FAN1: variants seen among roughly 807,000 people sequenced by gnomAD.
FAN1 encodes FANCD2 and FANCI associated nuclease 1, also known as fanconi-associated nuclease 1.
In FAN1, 91 loss-of-function variants were observed where a neutral mutation model predicts 104.9. The ratio of observed to expected loss-of-function variants is 0.87; its 90% CI spans 0.73 to 1.03. The LOEUF is 1.03. Among genes scored for constraint, FAN1 ranks in the 50% least tolerant of loss-of-function variants. The pLI, the probability that FAN1 is intolerant of heterozygous loss-of-function variation, is 0.00. For synonymous variants in FAN1, 478 were observed against 457.6 expected, an observed-to-expected ratio of 1.04 and a Z score of -0.57; for missense variants, 1,263 against 1,239.9, an observed-to-expected ratio of 1.02 and a Z score of -0.28.
intron 4 of FAN1, among the ~76,000 whole-genome samples, chr15:30,912,272 C>T (rs190331265): frequency 2.0e-5 from 3 of 152,200 alleles, no homozygotes; most frequent in Non-Finnish European, 4.4e-5. Flanking sequence ...AGTGGAATTT[C>T]AGAGTCCCTG....
intron 11 of FAN1, 47 bp downstream of exon 11, chr15:30,928,703 C>G: frequency 6.2e-7 from 1 of 1,611,258 alleles, no homozygotes; most frequent in Non-Finnish European, 8.5e-7. Flanking sequence ...TGCACACATC[C>G]GTGGCTCACG....
intron 5 of FAN1, among the ~76,000 whole-genome samples, chr15:30,915,877 C>T (rs1382651964): frequency 6.6e-6 from 1 of 151,910 alleles, no homozygotes; most frequent in Non-Finnish European, 1.5e-5. Context: ...TTTGGATTTC[C>T]TAAAATGTCA....
intron 2 of FAN1, among the ~76,000 whole-genome samples, chr15:30,906,199 A>G (rs2061975432): frequency 1.3e-5 from 2 of 152,234 alleles, no homozygotes; most frequent in African/African-American, 4.8e-5. Flanking sequence ...TTTCCAGATT[A>G]AAAAACAATA....
intron 7 of FAN1, 39 bp downstream of exon 7, chr15:30,920,692 T>G: frequency 2.4e-6 from 3 of 1,227,728 alleles, no homozygotes; most frequent in South Asian, 1.3e-5. Context: ...ATTACTGATG[T>G]GATGGCGTTA....
At position 30,938,009 on chromosome 15, in the gene FAN1, C is replaced by T. The variant is rs886236602; in HGVS notation, c.*3+750C>T. Among the ~76,000 whole-genome samples, 3 of 151,486 alleles carry T rather than the reference C, an allele frequency of 2.0e-5. No individual in the cohort carries two copies. In the South Asian group the frequency reaches 6.3e-4, roughly 32 times the overall value. On this transcript the variant is annotated intron_variant, in intron 14 of 14. Transcript: ENST00000362065. ...GACCATCCTGGCCAACATGGTGAAA[C>T]CCATCTCTACTAAAAATACAAAAAA... is the stretch of plus-strand genomic sequence containing the variant.
intron 7 of FAN1, among the ~76,000 whole-genome samples, chr15:30,920,915 C>G (rs2062315035): frequency 6.6e-6 from 1 of 152,208 alleles, no homozygotes; most frequent in Non-Finnish European, 1.5e-5. Context: ...TCCTGAGTAG[C>G]TGGGACTACA....
chr15:30,942,131 T>C lies in FAN1; in HGVS notation c.*569T>C. The C allele has an allele frequency of 5.2e-6, 8 of 1,528,876 alleles. No homozygotes were observed. Among genetic ancestry groups the C allele is most frequent in the Non-Finnish European group, 7.1e-6 (8 of 1,132,678 alleles). 94.7% of individuals were successfully genotyped at this position (1,528,876 alleles called of 1,614,324 possible). A position where few individuals can be genotyped will look rare whatever the true frequency, so the allele number is the denominator to read the frequency against. ...TTCCCTTTTTAGAAAGATTGAAGGA[T>C]GCAATGGCAAATATAAACTCAATAC... is the stretch of plus-strand genomic sequence containing the variant. On this transcript the variant is annotated 3_prime_UTR_variant, in exon 15 of 15. Transcript: ENST00000362065.
In FAN1 at chr15:30,908,241, C is replaced by T. The variant is rs1375089589; in HGVS notation, c.1358C>T (p.Ala453Val). Residue 453 changes from alanine (A) to valine (V), a missense_variant, in exon 3 of 15, where the codon GCA (alanine) becomes GTA (valine). Ala to Val is a moderately conservative substitution (Grantham distance 64). Coordinates refer to ENST00000362065, the MANE Select transcript of FAN1 (RefSeq NM_014967.5). ...CCTGTGATTGAAGAATTGACGAATG[C>T]AGGCTTTCTACAGACAGGTATGACT... The part of the protein sequence containing the change: ...LTPVIEELTN[A>V]GFLQTESELQ... 14 of 1,605,534 alleles carry T rather than the reference C, an allele frequency of 8.7e-6. No homozygotes were observed. Among genetic ancestry groups the T allele is most frequent in the South Asian group, 2.3e-5 (2 of 88,460 alleles).
At chr15:30,906,167 T>G (rs2061974634) in intron 2 of FAN1, among the ~76,000 whole-genome samples, 1 of 152,232 alleles carries the variant, frequency 6.6e-6, no homozygotes, top group Non-Finnish European at 1.5e-5. Context: ...TATAGGTACA[T>G]TTGATAGTTA....
intron 8 of FAN1, among the ~76,000 whole-genome samples, chr15:30,923,860 C>T (rs1278261908): frequency 6.6e-6 from 1 of 151,878 alleles, no homozygotes; most frequent in African/African-American, 2.4e-5. Flanking sequence ...ATTTAACATC[C>T]CTAAAATACA....
At chr15:30,936,007 TTTTC>T (rs1195365080) in intron 13 of FAN1, among the ~76,000 whole-genome samples, 2 of 152,292 alleles carry the variant, frequency 1.3e-5, no homozygotes, top group African/African-American at 2.4e-5. Context: ...TTTGGCCATT[TTTTC>T]TTTAAGTATT....
Position 30,928,769 on chromosome 15 carries a change from T to C in FAN1, c.2592+113T>C, listed in dbSNP as rs2062538056. 1.9e-6 allele frequency: 3 copies of C among 1,549,710 alleles called. No homozygotes were observed. The African/African-American group carries it at 4.1e-5, about 21-fold the overall frequency. ...CAGAAACCATCTCTGTTACGGTCCT[T>C]TGGGTCATCCACAGGTCAAGATGAT... On this transcript the variant is annotated intron_variant, in intron 11 of 14. Transcript: ENST00000362065.
chr15:30,931,225 G>T (rs1247231359), intron 13 of FAN1, among the ~76,000 whole-genome samples: 1 of 151,944 alleles, frequency 6.6e-6, no homozygotes, highest in Non-Finnish European at 1.5e-5. Context: ...AAAAAGCTCA[G>T]AGAGTGAACA....
chr15:30,932,668 CCATTT>C (rs939997026), intron 13 of FAN1, among the ~76,000 whole-genome samples: 1 of 151,380 alleles, frequency 6.6e-6, no homozygotes, highest in Admixed American at 6.6e-5. Flanking sequence ...AGGAATTTGT[CCATTT>C]CATTTAAGTA....
At chr15:30,920,932 C>T (rs1351282169) in intron 7 of FAN1, among the ~76,000 whole-genome samples, 8 of 152,110 alleles carry the variant, frequency 5.3e-5, no homozygotes, top group African/African-American at 1.9e-4. Flanking sequence ...TACAGGCGTG[C>T]GCCACCATGC....
intron 3 of FAN1, 132 bp from the exon 4 acceptor site, chr15:30,910,482 A>T: frequency 1.8e-6 from 1 of 565,408 alleles, no homozygotes; most frequent in Non-Finnish European, 3.1e-6. Flanking sequence ...TAATAATTCC[A>T]CATTTAATGA....
rs746337564 is a variant in FAN1, at chr15:30,910,671, A to ATTT, written c.1433_1434insTTT (p.Lys478delinsAsnLeu). 5.6e-6 allele frequency: 9 copies of ATTT among 1,613,920 alleles called. No individual in the cohort carries two copies. Among genetic ancestry groups the ATTT allele is most frequent in the Non-Finnish European group, 7.6e-6 (9 of 1,179,894 alleles). On this transcript the variant is annotated protein_altering_variant, in exon 4 of 15. Coordinates refer to ENST00000362065, the MANE Select transcript of FAN1 (RefSeq NM_014967.5). The stretch of plus-strand genomic sequence containing the variant: ...GAACTCCTTTCTGCTCCTGAACTAA[A>ATTT]ATCCCTAGCCAAGACCTTCCACTTG...
intron 14 of FAN1, chr15:30,941,363 AT>A: frequency 1.3e-6 from 2 of 1,538,060 alleles, no homozygotes; most frequent in Middle Eastern, 1.7e-4. Context: ...TCCAACTATT[AT>A]TCTTACATAT....
rs772543189 is a variant in FAN1 at position 30,941,774 on chromosome 15, G to A, written c.*212G>A. On this transcript the variant is annotated 3_prime_UTR_variant, in exon 15 of 15. Transcript: ENST00000362065. Reference sequence around the variant, plus strand: ...CAGGAGGGAGAGCTTGTGAAAGGCTGTGATGGAGCCACCCAGGCTGATCTG... The same window carrying A: ...CAGGAGGGAGAGCTTGTGAAAGGCTATGATGGAGCCACCCAGGCTGATCTG... The A allele has an allele frequency of 1.9e-6, 3 of 1,614,030 alleles. No individual in the cohort carries two copies. The highest frequency in any genetic ancestry group is 1.6e-4 in the Middle Eastern group (1 of 6,062).
Sources: gnomAD v4.1 joint callset for allele counts (sites outside exome capture counted in the v4.1 genomes callset) on GRCh38, gnomAD v4.1.1 for gene constraint, MANE v1.5 for transcripts, NCBI Gene and HGNC (gene_info 2026-07-23, HGNC 2026-07-21) for gene names.